Variants in TCERG1L observed in about 807,000 individuals in gnomAD.
The protein encoded by TCERG1L is transcription elongation regulator 1-like protein.
A neutral mutation model predicts 56.3 loss-of-function variants in TCERG1L; 37 were observed. The observed-to-expected ratio is 0.66, with a 90% CI of 0.51 to 0.87. The LOEUF is 0.87. Ranked by LOEUF, TCERG1L falls within the 40% of genes least tolerant of loss-of-function variation. The pLI is 0.00. For synonymous variants in TCERG1L, 324 were observed against 326.3 expected (o/e 0.99, Z 0.08); for missense variants, 799 against 774.2 (o/e 1.03, Z -0.38).
intron 4 of TCERG1L, among the ~76,000 whole-genome samples, chr10:131,168,772 C>T (rs1417643840): frequency 2.6e-5 from 4 of 152,164 alleles, no homozygotes; most frequent in East Asian, 1.9e-4. Flanking sequence ...CTGAGGGCGC[C>T]GGCCTCCTCC....
chr10:131,231,681 C>A (rs928602213), intron 4 of TCERG1L, among the ~76,000 whole-genome samples: 3 of 152,162 alleles, frequency 2.0e-5, no homozygotes, highest in Non-Finnish European at 4.4e-5. Context: ...CAGCATCCAG[C>A]GCTGTGGGAG....
At position 131,301,410 on chromosome 10, in the gene TCERG1L, C is replaced by T. The variant is rs960457317; in HGVS notation, c.670+6801G>A. On this transcript the variant is annotated intron_variant, in intron 3 of 11. Coordinates refer to ENST00000368642, the MANE Select transcript of TCERG1L (RefSeq NM_174937.4). ...TCACTCATTCCTGCAACCAAATTAA[C>T]AAATACTCACATATATCCTAAAGGA... is the stretch of plus-strand genomic sequence containing the variant. 3.9e-5 allele frequency among the ~76,000 whole-genome samples: 6 copies of T among 151,964 alleles called. No homozygotes were observed. The East Asian group carries it at 7.7e-4, about 20-fold the overall frequency.
intron 8 of TCERG1L, among the ~76,000 whole-genome samples, chr10:131,127,172 T>C (rs1037843572): frequency 6.6e-6 from 1 of 152,150 alleles, no homozygotes; most frequent in African/African-American, 2.4e-5. Context: ...GGAAGTGTTT[T>C]TATCTCCCCA....
At chr10:131,137,624 AT>A (rs1845690749) in intron 7 of TCERG1L, among the ~76,000 whole-genome samples, 1 of 152,198 alleles carries the variant, frequency 6.6e-6, no homozygotes, top group South Asian at 2.1e-4. Context: ...AAACATCCAC[AT>A]TTCTTAAAAC....
At chr10:131,214,959 C>T (rs1337497484) in intron 4 of TCERG1L, among the ~76,000 whole-genome samples, 3 of 152,206 alleles carry the variant, frequency 2.0e-5, no homozygotes, top group African/African-American at 4.8e-5. Context: ...TCACCATGGC[C>T]GTGTCGGGGG....
At chr10:131,107,078 G>T (rs1216188477) in intron 9 of TCERG1L, among the ~76,000 whole-genome samples, 13 of 151,752 alleles carry the variant, frequency 8.6e-5, no homozygotes, top group Non-Finnish European at 1.5e-4. Flanking sequence ...CTCAGGGCGA[G>T]GTGGCAACTC....
At chr10:131,226,056 G>A (rs1292062333) in intron 4 of TCERG1L, among the ~76,000 whole-genome samples, 1 of 152,202 alleles carries the variant, frequency 6.6e-6, no homozygotes, top group Non-Finnish European at 1.5e-5. Context: ...TCCAGCCTCA[G>A]CCTTCTGAGT....
At chr10:131,111,079 C>T (rs1441135413) in intron 9 of TCERG1L, among the ~76,000 whole-genome samples, 2 of 143,624 alleles carry the variant, frequency 1.4e-5, no homozygotes, top group South Asian at 2.5e-4. Flanking sequence ...TGGCACCTGC[C>T]GAGTCCTGAA....
rs1845325600 is a variant in TCERG1L, at chr10:131,103,798, C to G, written c.1485+467G>C. Among the ~76,000 whole-genome samples the G allele has an allele frequency of 6.6e-6, 1 of 152,194 alleles. No individual in the cohort carries two copies. The highest frequency in any genetic ancestry group is 2.4e-5 in the African/African-American group (1 of 41,438). On this transcript the variant is annotated intron_variant, in intron 10 of 11. Coordinates refer to ENST00000368642, the MANE Select transcript of TCERG1L (RefSeq NM_174937.4). This position sits in a 1 kb window ranked among gnomAD's most constrained non-coding sequence, Gnocchi z 4.3. Reference sequence around the variant, plus strand: ...TCAGGTATACAAGTATGAGAACCCTCTCTTCATGGCCTTCCTCCATTCTAT... The same window carrying G: ...TCAGGTATACAAGTATGAGAACCCTGTCTTCATGGCCTTCCTCCATTCTAT...
At chr10:131,305,135 A>G (rs758519475) in intron 3 of TCERG1L, among the ~76,000 whole-genome samples, 5 of 152,060 alleles carry the variant, frequency 3.3e-5, no homozygotes, top group Non-Finnish European at 7.3e-5. Flanking sequence ...ACACCTGCAG[A>G]GAGCATGCGC....
At chr10:131,179,607 T>G (rs192944461) in intron 4 of TCERG1L, among the ~76,000 whole-genome samples, 99 of 152,272 alleles carry the variant, frequency 6.5e-4, no homozygotes, top group African/African-American at 2.3e-3. Flanking sequence ...CCATTCCTAC[T>G]GACACGACCA....
chr10:131,128,799 T>G (rs1293760832), intron 8 of TCERG1L, among the ~76,000 whole-genome samples: 1 of 152,190 alleles, frequency 6.6e-6, no homozygotes, highest in Admixed American at 6.5e-5. Context: ...ATAGATCATC[T>G]GCTTGCATCA....
intron 4 of TCERG1L, among the ~76,000 whole-genome samples, chr10:131,200,887 C>G (rs1845425691): frequency 6.6e-6 from 1 of 152,154 alleles, no homozygotes; most frequent in South Asian, 2.1e-4. Context: ...AGGGATCCTC[C>G]CTGGCAAAGG....
chr10:131,159,704 C>CAG (rs1554888943), intron 6 of TCERG1L, among the ~76,000 whole-genome samples: 10 of 151,826 alleles, frequency 6.6e-5, no homozygotes, highest in East Asian at 2.0e-4. Flanking sequence ...CACCCCATGG[C>CAG]AGAGAGCTTT....
intron 3 of TCERG1L, among the ~76,000 whole-genome samples, chr10:131,262,281 C>A (rs1346618769): frequency 1.3e-5 from 2 of 152,108 alleles, no homozygotes; most frequent in Non-Finnish European, 2.9e-5. Flanking sequence ...GGGCTCAGTG[C>A]CATACCCTAT....
chr10:131,108,089 G>C (rs1845372586), intron 9 of TCERG1L, among the ~76,000 whole-genome samples: 1 of 152,136 alleles, frequency 6.6e-6, no homozygotes. Context: ...TCTCTTTTAA[G>C]TCCGTCTATG....
chr10:131,214,295 A>AC (rs1369485818), intron 4 of TCERG1L, among the ~76,000 whole-genome samples: 1 of 149,706 alleles, frequency 6.7e-6, no homozygotes, highest in East Asian at 2.0e-4. Flanking sequence ...TCCCCATGGG[A>AC]CCCCCAGGGA....
intron 3 of TCERG1L, among the ~76,000 whole-genome samples, chr10:131,298,666 G>A (rs144264679): frequency 0.037 from 5,620 of 152,290 alleles, 127 homozygotes; most frequent in African/African-American, 0.054. Context: ...TGCCCAGCTC[G>A]GCCTCCCAAA....
At chr10:131,213,681 C>A (rs1248511896) in intron 4 of TCERG1L, among the ~76,000 whole-genome samples, 1 of 152,200 alleles carries the variant, frequency 6.6e-6, no homozygotes, top group African/African-American at 2.4e-5. Flanking sequence ...TCCAGGCAGG[C>A]CCTCAGCAGG....
Sources: gnomAD v4.1 joint callset for allele counts (sites outside exome capture counted in the v4.1 genomes callset) on GRCh38, gnomAD v4.1.1 for gene constraint, Gnocchi (gnomAD v3.1) non-coding constraint, MANE v1.5 for transcripts, NCBI Gene and HGNC (gene_info 2026-07-23, HGNC 2026-07-21) for gene names.